Variants in XG observed in about 807,000 individuals in gnomAD.
XG encodes the protein glycoprotein Xg.
XG carries 24 observed loss-of-function variants against 25.7 expected under a neutral mutation model. The ratio of observed to expected loss-of-function variants is 0.93; its 90% CI spans 0.68 to 1.31. The LOEUF (loss-of-function observed/expected upper bound fraction) is 1.31, where lower values mean the gene tolerates loss of function less well. Among genes scored for constraint, XG ranks in the 40% most tolerant of loss-of-function variants. XG has a pLI of 0.00. For missense variants in XG, 181 were observed against 187.6 expected (o/e 0.96, Z 0.21); for synonymous variants, 77 against 69.2 (o/e 1.11, Z -0.56).
chrX:2,792,432 T>C (rs1469981554), intron 5 of XG, among the ~76,000 whole-genome samples: 1 of 111,307 alleles, frequency 9.0e-6, no homozygotes, highest in African/African-American at 3.3e-5. Flanking sequence ...CCTCCTGGGC[T>C]CAAGCAATCC....
At chrX:2,786,949 G>A (rs756417163) in intron 4 of XG, among the ~76,000 whole-genome samples, 9 of 110,000 alleles carry the variant, frequency 8.2e-5, no homozygotes, top group African/African-American at 2.0e-4. Flanking sequence ...ATCAATGTCT[G>A]TTGTTTATAA....
rs756056268 is a variant in XG at position 2,770,554 on chromosome X, A to G, written c.66A>G (p.Gln22=). 1.2e-6 allele frequency: 2 copies of G among 1,613,812 alleles called. No individual in the cohort carries two copies. Among genetic ancestry groups the G allele is most frequent in the African/African-American group, 1.3e-5 (1 of 74,908 alleles). Residue 22 remains glutamine, a synonymous_variant, in exon 2 of 11, where the codon CAA becomes CAG. Transcript: ENST00000644266. ...FLCFLMHARG[Q]RDFDLADALD... is the part of the protein sequence containing the mutation. ...TGCCCTGTTTGCTCCCAATAGGTCAAAGAGACTTTGATTTGGCAGATGCCC... is the reference window on the plus strand; with the variant it reads ...TGCCCTGTTTGCTCCCAATAGGTCAGAGAGACTTTGATTTGGCAGATGCCC...
intron 1 of XG, among the ~76,000 whole-genome samples, chrX:2,769,772 A>G (rs2050773221): frequency 6.6e-6 from 1 of 152,212 alleles, no homozygotes; most frequent in South Asian, 2.1e-4. Context: ...CTTTTGGATC[A>G]GGTAGGAACC....
At chrX:2,761,622 G>A (rs914356422) in intron 1 of XG, among the ~76,000 whole-genome samples, 2 of 151,956 alleles carry the variant, frequency 1.3e-5, no homozygotes, top group African/African-American at 4.8e-5. Context: ...CCAGCCTCCA[G>A]GGCTGTGGGA....
At chrX:2,789,335 G>A (rs1031624235) in intron 4 of XG, among the ~76,000 whole-genome samples, 3 of 112,346 alleles carry the variant, frequency 2.7e-5, no homozygotes, top group African/African-American at 9.7e-5. Flanking sequence ...ATTTATAGAA[G>A]TGACTGACTT....
chrX:2,805,510 C>T (rs2086987395), intron 7 of XG, among the ~76,000 whole-genome samples: 1 of 108,789 alleles, frequency 9.2e-6, no homozygotes, highest in African/African-American at 3.4e-5. Flanking sequence ...ATCTCCTCTC[C>T]TTATGAGGTG....
chrX:2,806,352 A>T (rs1289003037), intron 7 of XG, among the ~76,000 whole-genome samples: 2 of 111,494 alleles, frequency 1.8e-5, no homozygotes, highest in Non-Finnish European at 3.8e-5. Context: ...TTTTTTTAAA[A>T]TTTTAAATAA....
In XG at chrX:2,758,681, C is replaced by A. The variant is rs1190747772; in HGVS notation, c.61+6346C>A. Among the ~76,000 whole-genome samples the A allele has an allele frequency of 2.0e-5, 3 of 152,224 alleles. No homozygotes were observed. In the East Asian group the frequency reaches 5.8e-4, roughly 29 times the overall value. On this transcript the variant is annotated intron_variant, in intron 1 of 10. Transcript: ENST00000644266. ...CGTTGCCACACTGATAGCAGGGATGCTGCTGGCATCTAGTGGGTGGAGCCC... is the reference window on the plus strand; with the variant it reads ...CGTTGCCACACTGATAGCAGGGATGATGCTGGCATCTAGTGGGTGGAGCCC...
chrX:2,763,387 C>G (rs1281119235), intron 1 of XG, among the ~76,000 whole-genome samples: 1 of 151,746 alleles, frequency 6.6e-6, no homozygotes, highest in African/African-American at 2.4e-5. Flanking sequence ...AAAATGCCAT[C>G]TGCTGGCTCA....
intron 6 of XG, among the ~76,000 whole-genome samples, 177 bp downstream of exon 6, chrX:2,794,780 G>C (rs1398632330): frequency 8.9e-6 from 1 of 112,046 alleles, no homozygotes; most frequent in Non-Finnish European, 1.9e-5. Flanking sequence ...TGGGGTTTGC[G>C]GTCTGGGCAT....
intron 1 of XG, among the ~76,000 whole-genome samples, chrX:2,766,966 C>T (rs1430289565): frequency 3.3e-5 from 5 of 151,956 alleles, no homozygotes; most frequent in African/African-American, 9.7e-5. Flanking sequence ...TTCTGGGACC[C>T]GTCTTGGGGA....
At chrX:2,769,339 T>G (rs2050765794) in intron 1 of XG, among the ~76,000 whole-genome samples, 1 of 152,192 alleles carries the variant, frequency 6.6e-6, no homozygotes, top group Non-Finnish European at 1.5e-5. Context: ...AGTGTTTGAG[T>G]GAGAGATTGT....
At chrX:2,799,725 C>G (rs1443041291) in intron 7 of XG, among the ~76,000 whole-genome samples, 1 of 111,336 alleles carries the variant, frequency 9.0e-6, no homozygotes, top group East Asian at 2.8e-4. Flanking sequence ...AGCTTTTCAT[C>G]TTGTAGCCAT....
intron 5 of XG, among the ~76,000 whole-genome samples, chrX:2,792,213 C>T (rs1157639285): frequency 8.9e-6 from 1 of 111,782 alleles, no homozygotes; most frequent in African/African-American, 3.3e-5. Context: ...ACCTGGGAGG[C>T]GGAGTTCAGT....
chrX:2,769,107 C>A (rs2050760805), intron 1 of XG, among the ~76,000 whole-genome samples: 1 of 152,182 alleles, frequency 6.6e-6, no homozygotes, highest in African/African-American at 2.4e-5. Context: ...TCCGGAGAGG[C>A]CCTAATTGCC....
At chrX:2,789,983 G>C (rs1469945978) in intron 5 of XG, among the ~76,000 whole-genome samples, 1 of 110,570 alleles carries the variant, frequency 9.0e-6, no homozygotes, top group East Asian at 2.8e-4. Flanking sequence ...CTTTCAAGTA[G>C]TTAGGACTAC....
At chrX:2,775,708 C>T (rs888647357) in intron 3 of XG, among the ~76,000 whole-genome samples, 10 of 151,938 alleles carry the variant, frequency 6.6e-5, no homozygotes, top group African/African-American at 1.2e-4. Flanking sequence ...GTAATCCCAG[C>T]GCTTTGAAAG....
intron 4 of XG, among the ~76,000 whole-genome samples, chrX:2,788,988 T>C (rs917381345): frequency 2.7e-5 from 3 of 111,593 alleles, no homozygotes; most frequent in African/African-American, 9.8e-5. Context: ...TCCAGCTCTT[T>C]GGGAAGGCAA....
At chrX:2,779,558 C>T (rs2534633) in intron 3 of XG, among the ~76,000 whole-genome samples, 4 of 151,950 alleles carry the variant, frequency 2.6e-5, no homozygotes, top group Admixed American at 1.3e-4. Context: ...ACGCCTTCTT[C>T]CCCGCAGACA....
Sources: allele counts gnomAD v4.1 joint callset (sites outside exome capture counted in the v4.1 genomes callset), GRCh38; gene constraint gnomAD v4.1.1; transcripts MANE v1.5; gene names NCBI Gene and HGNC (gene_info 2026-07-23, HGNC 2026-07-21).